The following ZZEF1 variants were observed in gnomAD, a reference collection of about 807,000 sequenced individuals.
ZZEF1 encodes the protein zinc finger ZZ-type and EF-hand domain-containing protein 1.
In ZZEF1, 157 loss-of-function variants were observed where a neutral mutation model predicts 342.8. The observed-to-expected ratio is 0.46, with a 90% CI of 0.40 to 0.52. ZZEF1 has a LOEUF of 0.52. ZZEF1 is among the 20% of genes least tolerant of loss of function. ZZEF1 has a pLI of 0.00. For synonymous variants in ZZEF1, 1,505 were observed against 1,429.1 expected (o/e 1.05, Z -1.20); for missense variants, 3,480 against 3,725.6 (o/e 0.93, Z 1.72).
intron 16 of ZZEF1, among the ~76,000 whole-genome samples, chr17:4,083,505 T>C (rs1368349518): frequency 6.6e-6 from 1 of 152,214 alleles, no homozygotes; most frequent in Non-Finnish European, 1.5e-5. Context: ...CTCTGAAACC[T>C]TCCTCAATCA....
intron 33 of ZZEF1, 127 bp downstream of exon 33, chr17:4,056,089 T>C (rs889446481): frequency 1.9e-6 from 2 of 1,078,028 alleles, no homozygotes; most frequent in Non-Finnish European, 2.5e-6. Flanking sequence ...TGGGGACCCC[T>C]TCACTAGGGT....
intron 39 of ZZEF1, among the ~76,000 whole-genome samples, chr17:4,037,109 C>G (rs2056689974): frequency 6.6e-6 from 1 of 152,056 alleles, no homozygotes; most frequent in African/African-American, 2.4e-5. Flanking sequence ...TGGATTATAG[C>G]TCATGGAGTA....
At chr17:4,099,042 A>G (rs549117655) in intron 9 of ZZEF1, among the ~76,000 whole-genome samples, 16 of 152,364 alleles carry the variant, frequency 1.1e-4, no homozygotes, top group African/African-American at 3.8e-4. Flanking sequence ...GTCTCAATGT[A>G]GTAGCAGAAG....
chr17:4,066,623 C>G (rs1336951266), intron 27 of ZZEF1, 83 bp from the exon 28 acceptor site: 9 of 1,103,232 alleles, frequency 8.2e-6, no homozygotes, highest in Non-Finnish European at 1.3e-5. Context: ...CAAAAGCACA[C>G]AGCACTGACA....
chr17:4,010,882 T>A (rs1300459760), intron 52 of ZZEF1, among the ~76,000 whole-genome samples: 1 of 152,096 alleles, frequency 6.6e-6, no homozygotes, highest in Non-Finnish European at 1.5e-5. Flanking sequence ...CAGTTGACCC[T>A]ATCAGCTTTC....
At position 4,117,081 on chromosome 17, in the gene ZZEF1, G is replaced by C; in HGVS notation, c.585C>G (p.Leu195=). The change falls in exon 3 of 55, where the codon CTC becomes CTG. Residue 195 remains leucine (L), a synonymous_variant. Transcript: ENST00000381638. ...MILRFLHRNR[L]SSAVMPYPML... ...TCGGGTAGGGCATCACCGCGCTGGA[G>C]AGCCGATTGCGGTGCAGGAAGCGCA... 6 of 1,614,188 alleles carry C rather than the reference G, an allele frequency of 3.7e-6. No individual in the cohort carries two copies. Among genetic ancestry groups the C allele is most frequent in the Non-Finnish European group, 5.1e-6 (6 of 1,180,034 alleles).
chr17:4,077,140 T>C (rs907792956), intron 19 of ZZEF1, 151 bp from the exon 20 acceptor site: 2 of 637,256 alleles, frequency 3.1e-6, no homozygotes, highest in Non-Finnish European at 4.7e-6. Context: ...TCCTAATGCA[T>C]TCCTCCTGGA....
chr17:4,010,733 AAAG>A (rs2055928162), intron 52 of ZZEF1, among the ~76,000 whole-genome samples: 1 of 148,542 alleles, frequency 6.7e-6, no homozygotes, highest in Non-Finnish European at 1.5e-5. Context: ...TCAAAAAAAA[AAAG>A]AAAAAGAAAA....
chr17:4,079,837 C>T (rs1245252391), intron 18 of ZZEF1, among the ~76,000 whole-genome samples: 1 of 152,090 alleles, frequency 6.6e-6, no homozygotes, highest in Non-Finnish European at 1.5e-5. Context: ...AGTAAGGCAC[C>T]CGCAAAAATG....
Position 4,034,652 on chromosome 17 carries a change from G to C in ZZEF1, c.6307-360C>G, listed in dbSNP as rs115242650. On this transcript the variant is annotated intron_variant, in intron 39 of 54. Transcript: ENST00000381638. ...GGCCAGGAGATAACAACTGTTAAGT[G>C]TGATGAATAGTCTTTCAACCTTTTT... Among the ~76,000 whole-genome samples the C allele has an allele frequency of 3.4e-3, 511 of 152,284 alleles. 5 individuals carry two copies. The highest frequency in any genetic ancestry group is 0.011 in the African/African-American group (457 of 41,556).
At chr17:4,114,571 C>A in intron 3 of ZZEF1, 101 bp from the exon 4 acceptor site, 2 of 973,662 alleles carry the variant, frequency 2.1e-6, no homozygotes, top group Non-Finnish European at 2.8e-6. Context: ...GTACTCTGGC[C>A]CTAGAAACAC....
At chr17:4,128,295 C>G (rs570010527) in intron 1 of ZZEF1, among the ~76,000 whole-genome samples, 1 of 133,386 alleles carries the variant, frequency 7.5e-6, no homozygotes, top group Non-Finnish European at 1.5e-5. Context: ...TTGCAGTGAG[C>G]TGAGATGGCG....
intron 30 of ZZEF1, among the ~76,000 whole-genome samples, chr17:4,059,935 C>G (rs978664773): frequency 2.0e-5 from 3 of 152,220 alleles, no homozygotes; most frequent in Admixed American, 1.3e-4. Context: ...CCAACAGCAG[C>G]CTTTTCTTCA....
At chr17:4,091,975 C>A (rs1274437183) in intron 11 of ZZEF1, among the ~76,000 whole-genome samples, 1 of 151,570 alleles carries the variant, frequency 6.6e-6, no homozygotes, top group Non-Finnish European at 1.5e-5. Context: ...ACTCGGGAGG[C>A]TCAGGCAGGG....
At chr17:4,035,075 T>G (rs537931043) in intron 39 of ZZEF1, among the ~76,000 whole-genome samples, 2 of 152,280 alleles carry the variant, frequency 1.3e-5, no homozygotes, top group Admixed American at 6.5e-5. Flanking sequence ...AATTTAAAAT[T>G]TTAAATAGTT....
chr17:4,021,080 C>A, intron 45 of ZZEF1, 49 bp downstream of exon 45: 1 of 1,528,164 alleles, frequency 6.5e-7, no homozygotes, highest in South Asian at 1.3e-5. Flanking sequence ...CAAAGAGAAG[C>A]CATCCCTCAG....
chr17:4,043,845 A>T (rs1262614353), intron 38 of ZZEF1, among the ~76,000 whole-genome samples: 2 of 152,104 alleles, frequency 1.3e-5, no homozygotes, highest in African/African-American at 4.8e-5. Context: ...CACTGTCAAC[A>T]CCCACTTACA....
chr17:4,117,229 C>T, intron 2 of ZZEF1, 63 bp from the exon 3 acceptor site: 1 of 1,344,566 alleles, frequency 7.4e-7, no homozygotes, highest in Non-Finnish European at 1.0e-6. Flanking sequence ...ACATCCCCTG[C>T]CTGGTGGCCT....
chr17:4,016,312 C>T lies in ZZEF1; in HGVS notation c.8145+11G>A, dbSNP rs1346618375. On this transcript the variant is annotated intron_variant, in intron 49 of 54. Coordinates refer to ENST00000381638, the MANE Select transcript of ZZEF1 (RefSeq NM_015113.4). This position sits in a 1 kb window ranked among gnomAD's most constrained non-coding sequence, Gnocchi z 4.4. ...AGTCGCTCTTATGGGGCCTGCCGGC[C>T]CCAGGCTTACCTCGAAGTTGGTGTT... The T allele has an allele frequency of 1.9e-6, 3 of 1,611,108 alleles. No homozygotes were observed. Among genetic ancestry groups the T allele is most frequent in the Non-Finnish European group, 2.5e-6 (3 of 1,178,996 alleles).
Sources: gnomAD v4.1 joint callset for allele counts (sites outside exome capture counted in the v4.1 genomes callset) on GRCh38, gnomAD v4.1.1 for gene constraint, Gnocchi (gnomAD v3.1) non-coding constraint, MANE v1.5 for transcripts, NCBI Gene and HGNC (gene_info 2026-07-23, HGNC 2026-07-21) for gene names.